The following PALLD variants were observed in gnomAD, a reference collection of about 807,000 sequenced individuals.
The protein encoded by PALLD is palladin.
In PALLD, 61 loss-of-function variants were observed where a neutral mutation model predicts 123.5. The ratio of observed to expected loss-of-function variants is 0.49; its 90% CI spans 0.40 to 0.61. The LOEUF (loss-of-function observed/expected upper bound fraction) is 0.61. PALLD is among the 20% of genes least tolerant of loss of function. The pLI is 0.00. For missense variants in PALLD, 1,273 were observed against 1,377.0 expected, an observed-to-expected ratio of 0.92 and a Z score of 1.20; for synonymous variants, 465 against 496.4, an observed-to-expected ratio of 0.94 and a Z score of 0.84.
chr4:168,564,878 A>C (rs1232819101), intron 2 of PALLD, among the ~76,000 whole-genome samples: 1 of 152,094 alleles, frequency 6.6e-6, no homozygotes, highest in Admixed American at 6.5e-5. Context: ...TACTTTCTTA[A>C]ATTTAACATT....
intron 2 of PALLD, among the ~76,000 whole-genome samples, chr4:168,566,359 T>C (rs976244114): frequency 8.5e-5 from 13 of 152,152 alleles, no homozygotes; most frequent in Non-Finnish European, 2.9e-5. Flanking sequence ...AATGCAATGG[T>C]CGATCACAGC....
intron 2 of PALLD, among the ~76,000 whole-genome samples, chr4:168,607,549 T>C (rs548898112): frequency 6.6e-6 from 1 of 152,334 alleles, no homozygotes; most frequent in Admixed American, 6.5e-5. Context: ...ATAATATTTA[T>C]TGAGAGCCAG....
At chr4:168,680,591 A>G (rs1008333251) in intron 3 of PALLD, among the ~76,000 whole-genome samples, 3 of 150,756 alleles carry the variant, frequency 2.0e-5, no homozygotes, top group East Asian at 1.9e-4. Flanking sequence ...GATCTTTACT[A>G]TTAGGCTGCA....
At chr4:168,595,879 A>G (rs1771923476) in intron 2 of PALLD, among the ~76,000 whole-genome samples, 1 of 151,938 alleles carries the variant, frequency 6.6e-6, no homozygotes, top group African/African-American at 2.4e-5. Flanking sequence ...AGCAACATGC[A>G]ATTTACCCTT....
chr4:168,869,165 T>C lies in PALLD; in HGVS notation c.1965-21757T>C, dbSNP rs561630921. On this transcript the variant is annotated intron_variant, in intron 10 of 21. Coordinates refer to ENST00000505667, the MANE Select transcript of PALLD (RefSeq NM_001166108.2). This position sits in a 1 kb window ranked among gnomAD's most constrained non-coding sequence, Gnocchi z 4.5. ...ACTTATAAGAGCTCTGATACATATA[T>C]ATCTCCTTTATTAGAAGATGCGTTT... 3.5e-4 allele frequency among the ~76,000 whole-genome samples: 54 copies of C among 152,288 alleles called. No homozygotes were observed. Among genetic ancestry groups the C allele is most frequent in the African/African-American group, 1.3e-3 (52 of 41,570 alleles).
Position 168,737,447 on chromosome 4 carries a change from G to A in PALLD, c.1964+25524G>A, listed in dbSNP as rs994089153. 8.5e-5 allele frequency among the ~76,000 whole-genome samples: 13 copies of A among 152,236 alleles called. No individual in the cohort carries two copies. The East Asian group carries it at 2.5e-3, about 29-fold the overall frequency. ...TTGTTGGCTATGTGAGTAATGAGGA[G>A]TTTGGAAAGGGTTTTCTCTATGTAC... On this transcript the variant is annotated intron_variant, in intron 10 of 21. Coordinates refer to ENST00000505667, the MANE Select transcript of PALLD (RefSeq NM_001166108.2).
Position 168,801,179 on chromosome 4 carries a change from G to A in PALLD, c.1964+89256G>A, listed in dbSNP as rs77870803. On this transcript the variant is annotated intron_variant, in intron 10 of 21. Transcript: ENST00000505667. ...CTGGGAAAACCCAGGGGTATGAGGG[G>A]GAGGCACACACAGGAATCTTCTGTT... Among the ~76,000 whole-genome samples the A allele has an allele frequency of 2.9e-3, 439 of 152,308 alleles. 2 individuals are homozygous for A. Among genetic ancestry groups the A allele is most frequent in the African/African-American group, 0.01 (419 of 41,564 alleles).
At chr4:168,889,015 C>T (rs1381933980) in intron 10 of PALLD, among the ~76,000 whole-genome samples, 2 of 151,978 alleles carry the variant, frequency 1.3e-5, no homozygotes, top group African/African-American at 2.4e-5. Flanking sequence ...TGGGTGAAAC[C>T]GTGAACCCAG....
At chr4:168,755,211 CGA>C in intron 10 of PALLD, among the ~76,000 whole-genome samples, 1 of 126,558 alleles carries the variant, frequency 7.9e-6, no homozygotes, top group African/African-American at 3.1e-5. Context: ...CCAGCCTGGG[CGA>C]GAGAGCAAGA....
intron 10 of PALLD, chr4:168,755,881 G>T: frequency 5.7e-6 from 1 of 176,886 alleles, no homozygotes; most frequent in Non-Finnish European, 1.2e-5. Flanking sequence ...CTCTGAAGGG[G>T]CACAGTTCTT....
At chr4:168,715,226 G>A (rs182973552) in intron 10 of PALLD, among the ~76,000 whole-genome samples, 12 of 152,176 alleles carry the variant, frequency 7.9e-5, no homozygotes, top group African/African-American at 2.6e-4. Context: ...TATCGTGGAC[G>A]CATCCACTTC....
intron 2 of PALLD, among the ~76,000 whole-genome samples, chr4:168,606,668 A>C (rs962095287): frequency 6.6e-6 from 1 of 150,622 alleles, no homozygotes; most frequent in African/African-American, 2.5e-5. Flanking sequence ...CGTCTCAAAA[A>C]AAAAAAAAAA....
intron 14 of PALLD, among the ~76,000 whole-genome samples, chr4:168,898,967 T>C (rs1312235397): frequency 6.6e-6 from 1 of 152,184 alleles, no homozygotes; most frequent in African/African-American, 2.4e-5. Context: ...CACACCTATA[T>C]CATTTATTCC....
chr4:168,639,734 C>G (rs982599673), intron 2 of PALLD, among the ~76,000 whole-genome samples: 2 of 151,888 alleles, frequency 1.3e-5, no homozygotes, highest in Non-Finnish European at 2.9e-5. Flanking sequence ...TTAGTAGAGA[C>G]GGGGTTTCAC....
chr4:168,515,858 C>A (rs1762938812), intron 2 of PALLD, among the ~76,000 whole-genome samples: 1 of 144,932 alleles, frequency 6.9e-6, no homozygotes, highest in Non-Finnish European at 1.5e-5. Flanking sequence ...AAGCAGCTGG[C>A]TGGAGCTTAG....
In PALLD at chr4:168,924,297, A is replaced by C; in HGVS notation, c.3101A>C (p.Gln1034Pro). 1 of 1,613,966 alleles carries C rather than the reference A, an allele frequency of 6.2e-7. No homozygotes were observed. Among genetic ancestry groups the C allele is most frequent in the Non-Finnish European group, 8.5e-7 (1 of 1,179,862 alleles). Residue 1034 changes from glutamine to proline, a missense_variant, in exon 19 of 22, where the codon CAA becomes CCA. Physicochemically the swap from Gln to Pro is moderately conservative, Grantham distance 76. This residue lies in a region of PALLD where 329 missense variants were observed against 422.5 expected (regional missense o/e 0.78). Coordinates refer to ENST00000505667, the MANE Select transcript of PALLD (RefSeq NM_001166108.2). ...CCCCCTGTGTTTATTGAGAAGCTCC[A>C]AAACACAGGAGTTGCTGATGGGTAC... ...HKPPVFIEKL[Q>P]NTGVADGYPV...
intron 10 of PALLD, among the ~76,000 whole-genome samples, chr4:168,753,366 A>C: frequency 6.7e-6 from 1 of 150,026 alleles, no homozygotes. Flanking sequence ...GACCCCCCAA[A>C]CCCACCCCTT....
At chr4:168,736,022 T>C (rs1337461430) in intron 10 of PALLD, among the ~76,000 whole-genome samples, 10 of 152,240 alleles carry the variant, frequency 6.6e-5, no homozygotes, top group African/African-American at 2.4e-4. Context: ...TCTCCAGTGA[T>C]GTGGTATCAG....
intron 2 of PALLD, among the ~76,000 whole-genome samples, chr4:168,571,782 A>G (rs1293603215): frequency 6.6e-6 from 1 of 152,200 alleles, no homozygotes; most frequent in African/African-American, 2.4e-5. Flanking sequence ...AAGCCAAAGA[A>G]TCTTAAAGCT....
Sources: gnomAD v4.1 joint callset for allele counts (sites outside exome capture counted in the v4.1 genomes callset) on GRCh38, gnomAD v4.1.1 for gene constraint, gnomAD v4.1.1 regional missense constraint, Gnocchi (gnomAD v3.1) non-coding constraint, MANE v1.5 for transcripts, NCBI Gene and HGNC (gene_info 2026-07-23, HGNC 2026-07-21) for gene names.